The following IGBP1C variants were observed in gnomAD, a reference collection of about 807,000 sequenced individuals.
The protein encoded by IGBP1C is immunoglobulin-binding protein 1 family member C.
the IGBP1C span, among the ~76,000 whole-genome samples, chr17:58,685,886 T>G: frequency 6.7e-6 from 1 of 148,868 alleles, no homozygotes; most frequent in Admixed American, 6.9e-5. Flanking sequence ...TCCCAGCTAC[T>G]CAGGAGGTTG....
chr17:58,677,645 C>T, the IGBP1C span: 3 of 152,228 alleles, frequency 2.0e-5, no homozygotes, highest in Non-Finnish European at 4.4e-5. Flanking sequence ...TTGGGGAAAT[C>T]ACAGGGGCCA....
chr17:58,668,137 A>C, the IGBP1C span, among the ~76,000 whole-genome samples: 7 of 152,272 alleles, frequency 4.6e-5, no homozygotes, highest in East Asian at 1.4e-3. Context: ...CTGTTAGATC[A>C]GTTTAGCCAG....
At chr17:58,681,186 T>C in the IGBP1C span, among the ~76,000 whole-genome samples, 1 of 152,090 alleles carries the variant, frequency 6.6e-6, no homozygotes, top group Non-Finnish European at 1.5e-5. Context: ...GAGAATCGCC[T>C]GAACCCAGGC....
At chr17:58,673,484 AAAATAAATAAATAAAT>A in the IGBP1C span, among the ~76,000 whole-genome samples, 2 of 143,422 alleles carry the variant, frequency 1.4e-5, no homozygotes, top group Non-Finnish European at 3.0e-5. Context: ...CTCCATCTCA[AAAATAAATAAATAAAT>A]AAATAAATAA....
the IGBP1C span, among the ~76,000 whole-genome samples, chr17:58,675,662 G>C: frequency 5.3e-5 from 8 of 152,116 alleles, no homozygotes; most frequent in Non-Finnish European, 1.0e-4. Context: ...TTATGACAAG[G>C]ACTATGTTCC....
the IGBP1C span, among the ~76,000 whole-genome samples, chr17:58,684,818 A>G: frequency 2.0e-5 from 3 of 151,796 alleles, no homozygotes; most frequent in East Asian, 5.9e-4. Flanking sequence ...CCACTAAAAA[A>G]TACAAAAATT....
chr17:58,679,426 G>A, the IGBP1C span: 2 of 141,906 alleles, frequency 1.4e-5, no homozygotes, highest in Non-Finnish European at 3.3e-5. Flanking sequence ...CCATTAGAAG[G>A]CATCAATCTC....
At chr17:58,660,966 T>G in the IGBP1C span, 1 of 1,139,686 alleles carries the variant, frequency 8.8e-7, no homozygotes, top group African/African-American at 1.5e-5. Flanking sequence ...TGATCAATGC[T>G]CTCAATCTCT....
At chr17:58,660,892 G>A in the IGBP1C span, 1 of 817,890 alleles carries the variant, frequency 1.2e-6, no homozygotes, top group African/African-American at 1.7e-5. Context: ...GCCTCTTCTG[G>A]TGACATGAGT....
chr17:58,691,477 G>C, the IGBP1C span, among the ~76,000 whole-genome samples: 1 of 151,678 alleles, frequency 6.6e-6, no homozygotes, highest in Non-Finnish European at 1.5e-5. Context: ...GACCAGCCTG[G>C]CCAATATGGT....
chr17:58,661,658 C>T, the IGBP1C span: 2 of 631,724 alleles, frequency 3.2e-6, no homozygotes, highest in South Asian at 3.8e-5. Flanking sequence ...CGTAAAGATT[C>T]TGGCGTAGAT....
chr17:58,670,122 C>A, the IGBP1C span, among the ~76,000 whole-genome samples: 1 of 152,194 alleles, frequency 6.6e-6, no homozygotes, highest in Non-Finnish European at 1.5e-5. Context: ...TCTCTTCCCA[C>A]GCTGAGCTCC....
chr17:58,662,423 A>T, the IGBP1C span, among the ~76,000 whole-genome samples: 144 of 146,348 alleles, frequency 9.8e-4, 1 homozygote, highest in African/African-American at 3.4e-3. Context: ...TCTCACACAC[A>T]CACACACACA....
chr17:58,679,695 C>T, the IGBP1C span: 1 of 152,128 alleles, frequency 6.6e-6, no homozygotes, highest in Admixed American at 6.6e-5. Context: ...AAGTATGAGT[C>T]CCCAGCGCTG....
chr17:58,671,879 C>T, the IGBP1C span, among the ~76,000 whole-genome samples: 1 of 152,174 alleles, frequency 6.6e-6, no homozygotes, highest in Non-Finnish European at 1.5e-5. Context: ...CGCCATTTCA[C>T]TCACTAGGCC....
the IGBP1C span, chr17:58,661,590 C>A: frequency 2.8e-6 from 2 of 724,508 alleles, 1 homozygote; most frequent in South Asian, 3.1e-5. Flanking sequence ...TCGTCTTCAG[C>A]AGCTGCCATC....
chr17:58,685,973 C>T, the IGBP1C span, among the ~76,000 whole-genome samples: 4 of 127,160 alleles, frequency 3.1e-5, no homozygotes, highest in Admixed American at 2.0e-4. Context: ...CCAGCCTGGG[C>T]GACAGGGCAA....
the IGBP1C span, among the ~76,000 whole-genome samples, chr17:58,685,928 G>C: frequency 6.8e-6 from 1 of 147,800 alleles, no homozygotes; most frequent in Non-Finnish European, 1.5e-5. Context: ...ATGGGAGGTG[G>C]AGGTTGCAGT....
the IGBP1C span, among the ~76,000 whole-genome samples, chr17:58,684,998 TGGATGGTTA>T: frequency 2.0e-5 from 3 of 152,098 alleles, no homozygotes; most frequent in African/African-American, 7.2e-5. Flanking sequence ...GTTGAAGGAA[TGGATGGTTA>T]GAAAATAAAA....
Sources: gnomAD v4.1 joint callset for allele counts (sites outside exome capture counted in the v4.1 genomes callset) on GRCh38, gnomAD v4.1.1 for gene constraint, MANE v1.5 for transcripts, NCBI Gene and HGNC (gene_info 2026-07-23, HGNC 2026-07-21) for gene names.